The following SPATA17 variants were observed in gnomAD, a reference collection of about 807,000 sequenced individuals.
SPATA17 encodes the protein spermatogenesis-associated protein 17.
SPATA17 carries 53 observed loss-of-function variants against 62.2 expected under a neutral mutation model. The observed-to-expected ratio is 0.85, with a 90% CI of 0.68 to 1.07. The LOEUF (loss-of-function observed/expected upper bound fraction) is 1.07, where lower values mean the gene tolerates loss of function less well. Among genes scored for constraint, SPATA17 ranks in the 50% least tolerant of loss-of-function variants. The pLI is 0.00. For synonymous variants in SPATA17, 146 were observed against 146.8 expected (o/e 0.99, Z 0.04); for missense variants, 466 against 425.5 (o/e 1.10, Z -0.84).
chr1:217,647,278 A>G (rs1004731669), intron 1 of SPATA17, among the ~76,000 whole-genome samples: 1 of 152,190 alleles, frequency 6.6e-6, no homozygotes. Context: ...GCTCTCAGCA[A>G]CTATGTCATC....
At chr1:217,805,744 A>G (rs868521246) in intron 9 of SPATA17, among the ~76,000 whole-genome samples, 2 of 152,232 alleles carry the variant, frequency 1.3e-5, no homozygotes, top group African/African-American at 2.4e-5. Context: ...ACAATGGCAT[A>G]TAACCTCACA....
chr1:217,773,738 TTGAG>T (rs1275642874), intron 6 of SPATA17, among the ~76,000 whole-genome samples: 3 of 152,112 alleles, frequency 2.0e-5, no homozygotes, highest in Non-Finnish European at 4.4e-5. Flanking sequence ...GGATGTTATT[TTGAG>T]TGATATATAA....
intron 9 of SPATA17, among the ~76,000 whole-genome samples, chr1:217,819,507 A>G (rs755053802): frequency 7.2e-5 from 11 of 151,966 alleles, no homozygotes; most frequent in Admixed American, 2.0e-4. Flanking sequence ...ATCAAGTCAC[A>G]GGCCTGTGTT....
At chr1:217,650,477 C>T (rs1286584245) in intron 2 of SPATA17, among the ~76,000 whole-genome samples, 2 of 151,918 alleles carry the variant, frequency 1.3e-5, no homozygotes, top group African/African-American at 4.8e-5. Flanking sequence ...AGTGCAGTGG[C>T]GCGATCTCGG....
chr1:217,698,631 G>A (rs1671519574), intron 5 of SPATA17, among the ~76,000 whole-genome samples: 1 of 150,802 alleles, frequency 6.6e-6, no homozygotes, highest in Non-Finnish European at 1.5e-5. Flanking sequence ...CCAACATCTT[G>A]CAGAACTAGA....
intron 1 of SPATA17, among the ~76,000 whole-genome samples, chr1:217,645,420 G>A (rs1184357183): frequency 2.6e-5 from 4 of 152,092 alleles, no homozygotes; most frequent in Non-Finnish European, 5.9e-5. Flanking sequence ...AGCATTAGAT[G>A]TGTCTATGTG....
chr1:217,684,388 A>G (rs1395532141), intron 5 of SPATA17, among the ~76,000 whole-genome samples: 1 of 152,144 alleles, frequency 6.6e-6, no homozygotes, highest in East Asian at 1.9e-4. Flanking sequence ...AATATTTTCT[A>G]CATATATCAT....
intron 5 of SPATA17, among the ~76,000 whole-genome samples, chr1:217,699,745 T>C (rs148728172): frequency 1.3e-5 from 2 of 152,312 alleles, no homozygotes; most frequent in East Asian, 1.9e-4. Flanking sequence ...CTTCTATGAA[T>C]CATTATTTTG....
At chr1:217,807,437 C>CCAT (rs1356317938) in intron 9 of SPATA17, among the ~76,000 whole-genome samples, 2 of 151,928 alleles carry the variant, frequency 1.3e-5, no homozygotes, top group African/African-American at 4.8e-5. Context: ...AAAAGGAAAC[C>CCAT]CATATTACTC....
intron 6 of SPATA17, among the ~76,000 whole-genome samples, chr1:217,772,531 G>A (rs1184968078): frequency 6.6e-6 from 1 of 151,932 alleles, no homozygotes; most frequent in African/African-American, 2.4e-5. Flanking sequence ...AAACTGTTCT[G>A]TTAAAAAAAA....
At chr1:217,670,252 A>G (rs1670802415) in intron 4 of SPATA17, among the ~76,000 whole-genome samples, 2 of 152,188 alleles carry the variant, frequency 1.3e-5, no homozygotes, top group African/African-American at 4.8e-5. Context: ...ATAAAAAGTC[A>G]TAGATGACTG....
At chr1:217,670,091 A>G (rs1670798952) in intron 4 of SPATA17, among the ~76,000 whole-genome samples, 1 of 152,206 alleles carries the variant, frequency 6.6e-6, no homozygotes, top group Non-Finnish European at 1.5e-5. Flanking sequence ...TAATATTCAT[A>G]TAGGAAAACA....
At chr1:217,812,978 C>A (rs566016644) in intron 9 of SPATA17, among the ~76,000 whole-genome samples, 5 of 152,266 alleles carry the variant, frequency 3.3e-5, no homozygotes, top group African/African-American at 1.2e-4. Flanking sequence ...AGGTGAATTA[C>A]AACAGTAGAG....
intron 6 of SPATA17, among the ~76,000 whole-genome samples, chr1:217,743,361 T>A (rs1396925411): frequency 1.3e-5 from 2 of 152,130 alleles, no homozygotes; most frequent in East Asian, 3.9e-4. Context: ...AATCAAAAAT[T>A]CCTTTTAGCA....
chr1:217,748,136 T>C (rs537193662), intron 6 of SPATA17, among the ~76,000 whole-genome samples: 15 of 151,894 alleles, frequency 9.9e-5, no homozygotes, highest in African/African-American at 2.9e-4. Context: ...ACCCCGTCTC[T>C]ACAAAAAATA....
At position 217,648,866 on chromosome 1, in the gene SPATA17, A is replaced by G. The variant is rs1670245257; in HGVS notation, c.69-16A>G. The G allele has an allele frequency of 6.4e-7, 1 of 1,558,462 alleles. No individual in the cohort carries two copies. Among genetic ancestry groups the G allele is most frequent in the Non-Finnish European group, 8.7e-7 (1 of 1,146,798 alleles). On this transcript the variant is annotated splice_polypyrimidine_tract_variant and intron_variant, in intron 1 of 10. Coordinates refer to ENST00000366933, the MANE Select transcript of SPATA17 (RefSeq NM_138796.4). Reference sequence around the variant, plus strand: ...ATTAGTTACTAATGAAGTGCTTTTTAAACATTTTGTTTTAGTGTTGTAGAT... The same window carrying G: ...ATTAGTTACTAATGAAGTGCTTTTTGAACATTTTGTTTTAGTGTTGTAGAT...
At chr1:217,766,941 C>T (rs896702927) in intron 6 of SPATA17, among the ~76,000 whole-genome samples, 5 of 151,992 alleles carry the variant, frequency 3.3e-5, no homozygotes, top group African/African-American at 7.2e-5. Context: ...TTTTTCCTGT[C>T]TTTGTGTCTA....
chr1:217,647,159 A>C (rs1327451977), intron 1 of SPATA17, among the ~76,000 whole-genome samples: 1 of 152,240 alleles, frequency 6.6e-6, no homozygotes, highest in Non-Finnish European at 1.5e-5. Flanking sequence ...TATTTAGTAA[A>C]ACGTATTTAT....
Position 217,859,113 on chromosome 1 carries a change from A to G in SPATA17, c.1006-3661A>G, listed in dbSNP as rs544861742. Among the ~76,000 whole-genome samples, 359 of 145,688 alleles carry G rather than the reference A, an allele frequency of 2.5e-3. 1 individual carries two copies. Among genetic ancestry groups the G allele is most frequent in the African/African-American group, 8.6e-3 (348 of 40,440 alleles). On this transcript the variant is annotated intron_variant, in intron 9 of 10. Transcript: ENST00000366933. ...AAATTATATAGAGAGAAATGTTTAT[A>G]TTATACATAAATTTATATATAATTA...
Sources: allele counts gnomAD v4.1 joint callset (sites outside exome capture counted in the v4.1 genomes callset), GRCh38; gene constraint gnomAD v4.1.1; transcripts MANE v1.5; gene names NCBI Gene and HGNC (gene_info 2026-07-23, HGNC 2026-07-21).